Variants in ADAMTSL3 observed in about 807,000 individuals in gnomAD.
ADAMTSL3 encodes the protein ADAMTS like 3, also known as ADAMTS-like protein 3.
ADAMTSL3 carries 128 observed loss-of-function variants against 201.7 expected under a neutral mutation model. The ratio of observed to expected loss-of-function variants is 0.63; its 90% CI spans 0.55 to 0.73. ADAMTSL3 has a LOEUF of 0.73. ADAMTSL3 is among the 30% of genes least tolerant of loss of function. ADAMTSL3 has a pLI of 0.00. For synonymous variants in ADAMTSL3, 738 were observed against 748.4 expected (o/e 0.99, Z 0.23); for missense variants, 1,990 against 2,119.6 (o/e 0.94, Z 1.20).
intron 5 of ADAMTSL3, among the ~76,000 whole-genome samples, chr15:83,816,429 G>A (rs566890867): frequency 6.0e-4 from 91 of 152,252 alleles, no homozygotes; most frequent in Admixed American, 6.5e-4. Flanking sequence ...GGTGTCTTCC[G>A]CTAATTAACT....
At chr15:83,928,864 T>C (rs1433131982) in intron 17 of ADAMTSL3, among the ~76,000 whole-genome samples, 1 of 152,168 alleles carries the variant, frequency 6.6e-6, no homozygotes, top group Non-Finnish European at 1.5e-5. Flanking sequence ...CTTTTTTGAG[T>C]GGAATCACAT....
intron 14 of ADAMTSL3, 32 bp from the exon 15 acceptor site, chr15:83,899,615 T>C: frequency 1.3e-6 from 2 of 1,595,814 alleles, no homozygotes. Context: ...TAATAGTAAT[T>C]AGGCTCATTG....
intron 17 of ADAMTSL3, among the ~76,000 whole-genome samples, chr15:83,928,316 GC>G (rs2066287225): frequency 1.3e-5 from 2 of 151,994 alleles, no homozygotes; most frequent in Non-Finnish European, 2.9e-5. Context: ...CACCCAGCTA[GC>G]TATGATATAT....
chr15:83,822,958 G>T (rs374358832), intron 6 of ADAMTSL3, among the ~76,000 whole-genome samples: 1 of 152,054 alleles, frequency 6.6e-6, no homozygotes. Flanking sequence ...CTCGGGAGGC[G>T]GAGGCTGGCG....
intron 7 of ADAMTSL3, among the ~76,000 whole-genome samples, chr15:83,852,248 G>A (rs764810385): frequency 1.3e-5 from 2 of 152,046 alleles, no homozygotes; most frequent in African/African-American, 2.4e-5. Context: ...GAGTAGCTGG[G>A]ATTGTAGGTG....
chr15:83,672,823 G>A (rs1014629025), intron 2 of ADAMTSL3, among the ~76,000 whole-genome samples: 2 of 152,202 alleles, frequency 1.3e-5, no homozygotes, highest in African/African-American at 4.8e-5. Flanking sequence ...GCCCAGTCAG[G>A]CCTTTGCTGG....
chr15:83,890,109 G>A lies in ADAMTSL3; in HGVS notation c.1073G>A (p.Gly358Asp), dbSNP rs2065474888. 17 of 1,611,370 alleles carry A rather than the reference G, an allele frequency of 1.1e-5. No homozygotes were observed. The highest frequency in any genetic ancestry group is 1.4e-5 in the Non-Finnish European group (17 of 1,178,838). ...AGACTTGCCTTTTCTAACACTTTAG[G>A]TTATCAGCTCAATTCTGCTGAATGT... ...FFPCTVTCGGGYQLNSAECVD... is the reference protein window; with the variant it reads ...FFPCTVTCGGDYQLNSAECVD... Residue 358 changes from glycine (G) to aspartate (D), a missense_variant and splice_region_variant, in exon 11 of 30, where the codon GGT becomes GAT. By Grantham distance (94) the Gly-to-Asp change is moderately conservative. Coordinates refer to ENST00000286744, the MANE Select transcript of ADAMTSL3 (RefSeq NM_207517.3).
Position 83,982,541 on chromosome 15 carries a change from T to G in ADAMTSL3, c.2913T>G (p.Gly971=). Residue 971 remains glycine (G), a synonymous_variant, in exon 21 of 30, where the codon GGT becomes GGG. Transcript: ENST00000286744. Reference sequence around the variant, plus strand: ...AGTCAGGCTCACTAAAAATCCATGGTCTTGCTGCCCCCGACATCGGCGTGT... The same window carrying G: ...AGTCAGGCTCACTAAAAATCCATGGGCTTGCTGCCCCCGACATCGGCGTGT... ...ITKSGSLKIH[G]LAAPDIGVYR... is the part of the protein sequence containing the mutation. 6.2e-7 allele frequency: 1 copy of G among 1,614,174 alleles called. No individual in the cohort carries two copies. Among genetic ancestry groups the G allele is most frequent in the Non-Finnish European group, 8.5e-7 (1 of 1,180,030 alleles).
intron 7 of ADAMTSL3, among the ~76,000 whole-genome samples, chr15:83,847,022 G>A (rs2064511745): frequency 6.6e-6 from 1 of 152,206 alleles, no homozygotes; most frequent in African/African-American, 2.4e-5. Context: ...GGTAAAGGCA[G>A]TTTAGGCCAG....
chr15:83,943,170 A>G (rs1012384408), intron 19 of ADAMTSL3, 88 bp downstream of exon 19: 5 of 1,440,234 alleles, frequency 3.5e-6, no homozygotes, highest in Non-Finnish European at 4.6e-6. Context: ...TCAGGCTGGA[A>G]CTACTGTGAG....
At chr15:83,890,308 A>G (rs2065478743) in intron 11 of ADAMTSL3, 61 bp downstream of exon 11, 1 of 1,584,274 alleles carries the variant, frequency 6.3e-7, no homozygotes, top group African/African-American at 1.3e-5. Flanking sequence ...TTCAACTGAG[A>G]CTGATCAATC....
At chr15:83,692,003 T>C (rs1036337964) in intron 2 of ADAMTSL3, among the ~76,000 whole-genome samples, 3 of 152,192 alleles carry the variant, frequency 2.0e-5, no homozygotes, top group African/African-American at 4.8e-5. Flanking sequence ...TTCCATATAT[T>C]AAGAAATTTA....
chr15:83,884,793 G>C (rs1031147019), intron 9 of ADAMTSL3, among the ~76,000 whole-genome samples: 2 of 152,056 alleles, frequency 1.3e-5, no homozygotes, highest in Non-Finnish European at 2.9e-5. Context: ...AATGTTTCAG[G>C]AAGAAAGACA....
intron 23 of ADAMTSL3, among the ~76,000 whole-genome samples, chr15:83,993,069 A>G (rs2067612598): frequency 6.6e-6 from 1 of 152,216 alleles, no homozygotes; most frequent in African/African-American, 2.4e-5. Context: ...AATGCACCAC[A>G]ATCATTTTGA....
chr15:83,955,881 G>T (rs1239105340), intron 19 of ADAMTSL3, among the ~76,000 whole-genome samples: 1 of 152,066 alleles, frequency 6.6e-6, no homozygotes, highest in Non-Finnish European at 1.5e-5. Flanking sequence ...TGCTGCTTGG[G>T]GTTGAGGGAG....
At chr15:83,773,787 C>T in intron 4 of ADAMTSL3, 137 bp downstream of exon 4, 2 of 1,243,484 alleles carry the variant, frequency 1.6e-6, no homozygotes, top group Non-Finnish European at 2.2e-6. Context: ...AAATATTAGT[C>T]AACCTAGGTT....
chr15:83,678,750 T>G (rs1044627264), intron 2 of ADAMTSL3, among the ~76,000 whole-genome samples: 1 of 143,966 alleles, frequency 6.9e-6, no homozygotes, highest in Admixed American at 7.1e-5. Context: ...ATATATATAT[T>G]ATATATATAT....
chr15:83,830,170 G>A (rs1024136116), intron 6 of ADAMTSL3, among the ~76,000 whole-genome samples: 8 of 152,174 alleles, frequency 5.3e-5, no homozygotes, highest in Non-Finnish European at 7.4e-5. Context: ...ATGGGGCAAA[G>A]GTGATGAGCT....
rs8030566 is a variant in ADAMTSL3, at chr15:83,885,524, C to T, written c.1072+312C>T. 0.33 allele frequency among the ~76,000 whole-genome samples: 50,421 copies of T among 151,776 alleles called. 8,488 individuals are homozygous for T. The highest frequency in any genetic ancestry group is 0.47 in the Middle Eastern group (137 of 292). On this transcript the variant is annotated intron_variant, in intron 10 of 29. Coordinates refer to ENST00000286744, the MANE Select transcript of ADAMTSL3 (RefSeq NM_207517.3). Reference sequence around the variant, plus strand: ...TCTCTTCTTGATTGCCCTTAAAGTACGTATTATTTTTAATTTTCTATGAAA... The same window carrying T: ...TCTCTTCTTGATTGCCCTTAAAGTATGTATTATTTTTAATTTTCTATGAAA...
Sources: gnomAD v4.1 joint callset for allele counts (sites outside exome capture counted in the v4.1 genomes callset) on GRCh38, gnomAD v4.1.1 for gene constraint, MANE v1.5 for transcripts, NCBI Gene and HGNC (gene_info 2026-07-23, HGNC 2026-07-21) for gene names.